The following GNG7 variants were observed in gnomAD, a reference collection of about 807,000 sequenced individuals.
GNG7 encodes the protein G protein subunit gamma 7.
GNG7 carries 1 observed loss-of-function variant against 4.0 expected under a neutral mutation model. That is an observed-to-expected ratio of 0.25 (90% CI 0.09 to 1.18). The LOEUF (loss-of-function observed/expected upper bound fraction) is 1.18, where lower values mean the gene tolerates loss of function less well. Ranked by LOEUF, GNG7 falls within the 50% of genes most tolerant of loss-of-function variation. The probability of loss-of-function intolerance (pLI) is 0.50; values close to 1 mark genes in which losing one functional copy is unlikely to be tolerated. For synonymous variants in GNG7, 34 were observed against 36.9 expected, an observed-to-expected ratio of 0.92 and a Z score of 0.29; for missense variants, 86 against 91.9, an observed-to-expected ratio of 0.94 and a Z score of 0.26.
intron 2 of GNG7, among the ~76,000 whole-genome samples, chr19:2,640,473 TGA>T (rs1470431073): frequency 6.6e-6 from 1 of 152,112 alleles, no homozygotes; most frequent in Non-Finnish European, 1.5e-5. Context: ...GAATGAGGAA[TGA>T]GAGAATAGAA....
intron 2 of GNG7, among the ~76,000 whole-genome samples, chr19:2,639,321 C>T (rs377091512): frequency 1.3e-5 from 2 of 151,990 alleles, no homozygotes; most frequent in Non-Finnish European, 2.9e-5. Context: ...TTCAAACAAA[C>T]GTTTATAAAC....
At chr19:2,676,662 C>T (rs1005335283) in intron 1 of GNG7, among the ~76,000 whole-genome samples, 5 of 152,104 alleles carry the variant, frequency 3.3e-5, no homozygotes, top group Non-Finnish European at 7.4e-5. Context: ...GTGATCCTCC[C>T]GCCTCGGCCT....
At chr19:2,598,438 A>C (rs1392761186) in intron 2 of GNG7, among the ~76,000 whole-genome samples, 2 of 151,250 alleles carry the variant, frequency 1.3e-5, no homozygotes, top group East Asian at 3.9e-4. Context: ...CGGGCGGATC[A>C]CGAGGTCAGG....
chr19:2,694,104 G>C (rs1199630752), intron 1 of GNG7, among the ~76,000 whole-genome samples: 1 of 152,000 alleles, frequency 6.6e-6, no homozygotes, highest in African/African-American at 2.4e-5. Context: ...CTCTGGGGTT[G>C]GGCTACATTT....
At chr19:2,664,842 T>A (rs182318261) in intron 1 of GNG7, among the ~76,000 whole-genome samples, 4 of 152,192 alleles carry the variant, frequency 2.6e-5, no homozygotes, top group African/African-American at 9.6e-5. Context: ...TGCTGAGCAG[T>A]GTCCCTGGCC....
intron 2 of GNG7, among the ~76,000 whole-genome samples, chr19:2,586,685 C>T (rs755312465): frequency 6.6e-6 from 1 of 151,296 alleles, no homozygotes; most frequent in Non-Finnish European, 1.5e-5. Context: ...GTGTGTAGAT[C>T]CAGTAGAATG....
chr19:2,581,368 T>A (rs8111073), intron 2 of GNG7, among the ~76,000 whole-genome samples: 3,511 of 150,820 alleles, frequency 0.023, 120 homozygotes, highest in African/African-American at 0.079. Flanking sequence ...TCGGGTGGCC[T>A]GGAGCACCAG....
chr19:2,603,097 G>A (rs543719762), intron 2 of GNG7, among the ~76,000 whole-genome samples: 1 of 142,248 alleles, frequency 7.0e-6, no homozygotes, highest in African/African-American at 2.6e-5. Context: ...ATGGAGTTTC[G>A]CTCTTGTTGC....
Position 2,557,466 on chromosome 19 carries a change from G to A in GNG7, c.-77-2278C>T, listed in dbSNP as rs1438792455. ...AACATGCACAGACTCAAGAAACGAGGGGCTGCAGGACTTTTCCTCCTCCTG... is the reference window on the plus strand; with the variant it reads ...AACATGCACAGACTCAAGAAACGAGAGGCTGCAGGACTTTTCCTCCTCCTG... On this transcript the variant is annotated intron_variant, in intron 2 of 4. Transcript: ENST00000382159. This position sits in a 1 kb window ranked among gnomAD's most constrained non-coding sequence, Gnocchi z 5.1. Among the ~76,000 whole-genome samples the A allele has an allele frequency of 6.6e-6, 1 of 152,172 alleles. No homozygotes were observed. Among genetic ancestry groups the A allele is most frequent in the East Asian group, 1.9e-4 (1 of 5,202 alleles).
chr19:2,655,771 G>A (rs1469830838), intron 1 of GNG7, among the ~76,000 whole-genome samples: 2 of 149,884 alleles, frequency 1.3e-5, no homozygotes, highest in Non-Finnish European at 3.0e-5. Context: ...CCCGGGAGGT[G>A]GAGCTTGCAG....
rs1219836243 is a variant in GNG7, at chr19:2,514,488, T to G, written c.*534A>C. 6.5e-6 allele frequency: 1 copy of G among 153,490 alleles called. No homozygotes were observed. Among genetic ancestry groups the G allele is most frequent in the African/African-American group, 2.4e-5 (1 of 41,402 alleles). 9.5% of individuals were successfully genotyped at this position (153,490 alleles called of 1,614,324 possible). On this transcript the variant is annotated 3_prime_UTR_variant, in exon 5 of 5. Coordinates refer to ENST00000382159, the MANE Select transcript of GNG7 (RefSeq NM_052847.3). Reference sequence around the variant, plus strand: ...AGTAACAATTTTTTAAATAAAGAGATATTTCCAAAAAACTTCATGATGTCA... The same window carrying G: ...AGTAACAATTTTTTAAATAAAGAGAGATTTCCAAAAAACTTCATGATGTCA...
chr19:2,615,961 G>A (rs866310740), intron 2 of GNG7, among the ~76,000 whole-genome samples: 6 of 152,154 alleles, frequency 3.9e-5, no homozygotes, highest in Admixed American at 2.0e-4. Context: ...AAATCCTTAC[G>A]GGCCACCCCA....
At chr19:2,697,305 C>G (rs1913290210) in intron 1 of GNG7, among the ~76,000 whole-genome samples, 1 of 152,190 alleles carries the variant, frequency 6.6e-6, no homozygotes. Flanking sequence ...CGTCTCGGAG[C>G]TGCCCACGAA....
intron 2 of GNG7, chr19:2,595,316 C>T (rs113845407): frequency 0.15 from 22,733 of 151,040 alleles, 1,879 homozygotes; most frequent in Non-Finnish European, 0.19. Context: ...TTAGTAGAGA[C>T]GGGGTTTTGC....
chr19:2,582,930 A>G (rs1406821300), intron 2 of GNG7, among the ~76,000 whole-genome samples: 1 of 151,898 alleles, frequency 6.6e-6, no homozygotes, highest in East Asian at 1.9e-4. Context: ...CAGCCTCCCA[A>G]AGTGCTGGGA....
intron 2 of GNG7, among the ~76,000 whole-genome samples, chr19:2,607,956 C>T (rs10403147): frequency 6.6e-6 from 1 of 151,512 alleles, no homozygotes; most frequent in African/African-American, 2.4e-5. Context: ...GGCAGCCAGA[C>T]GCACACACGC....
chr19:2,603,832 C>T (rs569908476), intron 2 of GNG7, among the ~76,000 whole-genome samples: 1 of 148,368 alleles, frequency 6.7e-6, no homozygotes, highest in East Asian at 2.0e-4. Flanking sequence ...GGAGAAGTGC[C>T]TGTTCTTTTA....
Position 2,543,875 on chromosome 19 carries a change from G to C in GNG7, c.-38+11274C>G, listed in dbSNP as rs903324210. 1.4e-4 allele frequency among the ~76,000 whole-genome samples: 21 copies of C among 152,298 alleles called. No homozygotes were observed. The East Asian group carries it at 2.5e-3, about 18-fold the overall frequency. On this transcript the variant is annotated intron_variant, in intron 3 of 4. Transcript: ENST00000382159. ...CGGGAGGGGCGGCCGGCCTGCAGCA[G>C]CAACGTGAGAACAGAAGCAACCTTC...
chr19:2,611,113 G>A lies in GNG7; in HGVS notation c.-78+35111C>T, dbSNP rs1305460691. ...TTCTGGGAAGTGGGCCCCTCGCACC[G>A]GGTGCGGCGCCCAGGGTTCCCCGCC... On this transcript the variant is annotated intron_variant, in intron 2 of 4. Coordinates refer to ENST00000382159, the MANE Select transcript of GNG7 (RefSeq NM_052847.3). The surrounding 1 kb of genome is among the most constrained non-coding windows in gnomAD (Gnocchi z 6.0). The A allele has an allele frequency of 6.6e-6, 1 of 152,174 alleles. No homozygotes were observed. The highest frequency in any genetic ancestry group is 2.4e-5 in the African/African-American group (1 of 41,436). The allele number at this position is 152,174 out of a possible 1,614,324, so 9.4% of individuals were successfully genotyped here. A position where few individuals can be genotyped will look rare whatever the true frequency, so the allele number is the denominator to read the frequency against.
Sources: allele counts gnomAD v4.1 joint callset (sites outside exome capture counted in the v4.1 genomes callset), GRCh38; gene constraint gnomAD v4.1.1; non-coding constraint Gnocchi (gnomAD v3.1); transcripts MANE v1.5; gene names NCBI Gene and HGNC (gene_info 2026-07-23, HGNC 2026-07-21).